TMEM132B: variants seen among roughly 807,000 people sequenced by gnomAD.
TMEM132B encodes the protein transmembrane protein 132B.
TMEM132B carries 18 observed loss-of-function variants against 90.8 expected under a neutral mutation model. The observed-to-expected ratio is 0.20, with a 90% CI of 0.14 to 0.29. The LOEUF (loss-of-function observed/expected upper bound fraction) is 0.29. TMEM132B is among the 10% of genes least tolerant of loss of function. The pLI is 1.00. For synonymous variants in TMEM132B, 504 were observed against 523.3 expected (o/e 0.96, Z 0.50); for missense variants, 1,096 against 1,326.8 (o/e 0.83, Z 2.70).
At chr12:125,509,592 A>G (rs1882928986) in intron 3 of TMEM132B, among the ~76,000 whole-genome samples, 1 of 152,208 alleles carries the variant, frequency 6.6e-6, no homozygotes, top group African/African-American at 2.4e-5. Context: ...TGCAGGGCTA[A>G]TAAGGAAAAG....
rs934932160 is a variant in TMEM132B at position 125,459,016 on chromosome 12, A to G, written c.1106+43339A>G. Among the ~76,000 whole-genome samples the G allele has an allele frequency of 2.0e-5, 3 of 152,164 alleles. No individual in the cohort carries two copies. The highest frequency in any genetic ancestry group is 7.2e-5 in the African/African-American group (3 of 41,426). ...ATTCCCTGTGGTCCCCCCATGTGCAATTAGCATCTTCGGGTGACATCACCA... is the reference window on the plus strand; with the variant it reads ...ATTCCCTGTGGTCCCCCCATGTGCAGTTAGCATCTTCGGGTGACATCACCA... On this transcript the variant is annotated intron_variant, in intron 3 of 8. Transcript: ENST00000682704. The surrounding 1 kb of genome is among the most constrained non-coding windows in gnomAD (Gnocchi z 4.1).
chr12:125,499,519 C>G (rs1292277998), intron 3 of TMEM132B, among the ~76,000 whole-genome samples: 2 of 152,132 alleles, frequency 1.3e-5, no homozygotes, highest in Non-Finnish European at 2.9e-5. Context: ...TTTCACATCA[C>G]CAAGATTCCT....
chr12:125,469,880 A>G (rs371622616), intron 3 of TMEM132B, among the ~76,000 whole-genome samples: 3 of 152,318 alleles, frequency 2.0e-5, no homozygotes, highest in East Asian at 1.9e-4. Flanking sequence ...AGCCTCATCC[A>G]TACACCAGAT....
intron 1 of TMEM132B, among the ~76,000 whole-genome samples, chr12:125,336,417 T>C (rs1160957275): frequency 6.6e-6 from 1 of 152,212 alleles, no homozygotes; most frequent in East Asian, 1.9e-4. Flanking sequence ...AGATGCACAG[T>C]GATGACACTG....
At chr12:125,201,977 C>T (rs1258287397) in intron 1 of TMEM132B, among the ~76,000 whole-genome samples, 1 of 152,218 alleles carries the variant, frequency 6.6e-6, no homozygotes, top group Non-Finnish European at 1.5e-5. Context: ...CCTGGTGTCA[C>T]ACCCTCATTT....
At chr12:125,252,893 C>T (rs1011310153) in intron 1 of TMEM132B, among the ~76,000 whole-genome samples, 1 of 152,222 alleles carries the variant, frequency 6.6e-6, no homozygotes, top group Admixed American at 6.5e-5. Context: ...GGGTACCTGA[C>T]CTCATCCCAG....
intron 3 of TMEM132B, among the ~76,000 whole-genome samples, chr12:125,427,832 A>G (rs1566032929): frequency 6.6e-6 from 1 of 152,136 alleles, no homozygotes; most frequent in Non-Finnish European, 1.5e-5. Flanking sequence ...AACTTTTGTG[A>G]TTTCCTTATG....
intron 1 of TMEM132B, among the ~76,000 whole-genome samples, chr12:125,330,427 GA>G (rs1280125348): frequency 1.4e-5 from 2 of 146,308 alleles, no homozygotes; most frequent in East Asian, 4.0e-4. Flanking sequence ...TATTGCTCAA[GA>G]AAAAAGTTAA....
chr12:125,493,911 C>T (rs1422172106), intron 3 of TMEM132B, among the ~76,000 whole-genome samples: 6 of 137,114 alleles, frequency 4.4e-5, no homozygotes, highest in Non-Finnish European at 9.4e-5. Context: ...CCATGTCCCT[C>T]CTCCTCCTCC....
intron 4 of TMEM132B, among the ~76,000 whole-genome samples, chr12:125,531,847 A>G (rs560354153): frequency 6.6e-6 from 1 of 152,360 alleles, no homozygotes; most frequent in African/African-American, 2.4e-5. Flanking sequence ...GGCTGAGCTG[A>G]AAGCCATGTG....
chr12:125,424,932 T>A (rs554475088), intron 3 of TMEM132B, among the ~76,000 whole-genome samples: 17 of 152,302 alleles, frequency 1.1e-4, no homozygotes, highest in Admixed American at 8.5e-4. Context: ...CTAAGCCTAC[T>A]TAGGATTCTT....
chr12:125,356,652 A>G (rs896862884), intron 2 of TMEM132B, among the ~76,000 whole-genome samples: 1 of 152,032 alleles, frequency 6.6e-6, no homozygotes, highest in African/African-American at 2.4e-5. Context: ...CCCTGCCTCC[A>G]TTTTTGCCCG....
chr12:125,562,555 T>A (rs1884559816), intron 4 of TMEM132B, among the ~76,000 whole-genome samples: 1 of 152,192 alleles, frequency 6.6e-6, no homozygotes, highest in Non-Finnish European at 1.5e-5. Context: ...GTGGGACTCT[T>A]CCGTTCACTT....
chr12:125,548,662 A>G (rs1884147704), intron 4 of TMEM132B, among the ~76,000 whole-genome samples: 1 of 152,228 alleles, frequency 6.6e-6, no homozygotes, highest in Non-Finnish European at 1.5e-5. Context: ...AGATGTTGGT[A>G]GCCTTGCAGG....
intron 1 of TMEM132B, among the ~76,000 whole-genome samples, chr12:125,220,290 T>G (rs919041540): frequency 6.6e-6 from 1 of 152,244 alleles, no homozygotes; most frequent in Non-Finnish European, 1.5e-5. Flanking sequence ...TCAAGCCACC[T>G]TGTGTCTGGG....
intron 3 of TMEM132B, among the ~76,000 whole-genome samples, chr12:125,495,395 T>C (rs2136579459): frequency 6.6e-6 from 1 of 150,618 alleles, no homozygotes; most frequent in East Asian, 2.0e-4. Context: ...CTGTAGCTCC[T>C]GTTGGATGGC....
At chr12:125,549,926 G>A (rs146942215) in intron 4 of TMEM132B, among the ~76,000 whole-genome samples, 2,438 of 152,108 alleles carry the variant, frequency 0.016, 33 homozygotes, top group Non-Finnish European at 0.023. Context: ...TTTTGTTGCT[G>A]GTCATCTCCT....
At chr12:125,623,450 A>G (rs1418790960) in intron 5 of TMEM132B, among the ~76,000 whole-genome samples, 1 of 152,042 alleles carries the variant, frequency 6.6e-6, no homozygotes, top group African/African-American at 2.4e-5. Flanking sequence ...TGTTGTCTTC[A>G]TATGGGAGTC....
At chr12:125,435,321 G>C (rs7316725) in intron 3 of TMEM132B, among the ~76,000 whole-genome samples, 30,540 of 152,184 alleles carry the variant, frequency 0.2, 3,743 homozygotes, top group African/African-American at 0.35. Context: ...TCAGTTGCCA[G>C]GAAGGGCCTA....
Sources: gnomAD v4.1 joint callset for allele counts (sites outside exome capture counted in the v4.1 genomes callset) on GRCh38, gnomAD v4.1.1 for gene constraint, Gnocchi (gnomAD v3.1) non-coding constraint, MANE v1.5 for transcripts, NCBI Gene and HGNC (gene_info 2026-07-23, HGNC 2026-07-21) for gene names.